SRGAP2: variants seen among roughly 807,000 people sequenced by gnomAD.
The protein encoded by SRGAP2 is SLIT-ROBO Rho GTPase activating protein 2.
SRGAP2 carries 15 observed loss-of-function variants against 57.2 expected under a neutral mutation model. The observed-to-expected ratio is 0.26, with a 90% CI of 0.18 to 0.40. SRGAP2 has a LOEUF of 0.40. Among genes scored for constraint, SRGAP2 ranks in the 10% least tolerant of loss-of-function variants. The pLI is 1.00. For synonymous variants in SRGAP2, 249 were observed against 248.0 expected, an observed-to-expected ratio of 1.00 and a Z score of -0.04; for missense variants, 520 against 669.6, an observed-to-expected ratio of 0.78 and a Z score of 2.47.
At chr1:206,291,102 A>G (rs1286618772) in intron 2 of SRGAP2, among the ~76,000 whole-genome samples, 2 of 151,570 alleles carry the variant, frequency 1.3e-5, no homozygotes, top group Non-Finnish European at 2.9e-5. Flanking sequence ...TTGTTAACCA[A>G]TCAACATTGC....
intron 18 of SRGAP2, among the ~76,000 whole-genome samples, chr1:206,448,812 T>C (rs776041916): frequency 2.6e-5 from 4 of 151,332 alleles, no homozygotes; most frequent in Non-Finnish European, 5.9e-5. Flanking sequence ...CATCAGATGG[T>C]TTTTAGCCCT....
intron 2 of SRGAP2, among the ~76,000 whole-genome samples, chr1:206,210,507 A>G (rs1184085953): frequency 7.6e-6 from 1 of 131,594 alleles, no homozygotes. Flanking sequence ...GAGCATTTTG[A>G]TAGAAAAAGT....
rs1274130536 is a variant in SRGAP2, at chr1:206,461,521, G to A, written c.*101G>A. ...CTTGGGGACTTCAGTTGAAAATTAG[G>A]TTCTAAGTTGTTCTTGCAGGAATTA... is the stretch of plus-strand genomic sequence containing the variant. On this transcript the variant is annotated 3_prime_UTR_variant, in exon 23 of 23. Transcript: ENST00000573034. The A allele has an allele frequency of 6.1e-6, 4 of 659,258 alleles. No individual in the cohort carries two copies. Among genetic ancestry groups the A allele is most frequent in the Non-Finnish European group, 1.1e-5 (4 of 360,400 alleles). The allele number at this position is 659,258 out of a possible 1,614,324, so 40.8% of individuals were successfully genotyped here.
chr1:206,384,657 A>G (rs1391891297), intron 5 of SRGAP2, among the ~76,000 whole-genome samples: 1 of 151,750 alleles, frequency 6.6e-6, no homozygotes, highest in African/African-American at 2.4e-5. Flanking sequence ...TGGAGAAGAG[A>G]ACACAATCTG....
intron 2 of SRGAP2, among the ~76,000 whole-genome samples, chr1:206,216,385 G>A (rs189176486): frequency 0.079 from 11,885 of 151,136 alleles, 1,050 homozygotes; most frequent in African/African-American, 0.22. Flanking sequence ...CACATTCTAC[G>A]TTTGTCCAGG....
intron 2 of SRGAP2, among the ~76,000 whole-genome samples, chr1:206,289,582 GT>G (rs1178496469): frequency 2.3e-4 from 33 of 141,054 alleles, no homozygotes; most frequent in East Asian, 4.1e-4. Flanking sequence ...CAGCTGGACT[GT>G]TTTTTTTTTT....
chr1:206,263,830 C>T (rs1436145711), intron 2 of SRGAP2, among the ~76,000 whole-genome samples: 1 of 151,636 alleles, frequency 6.6e-6, no homozygotes, highest in Non-Finnish European at 1.5e-5. Context: ...AGAAAATAAA[C>T]AAGATCATGT....
chr1:206,417,839 A>G (rs1332712103), intron 11 of SRGAP2, among the ~76,000 whole-genome samples: 1 of 151,918 alleles, frequency 6.6e-6, no homozygotes, highest in Non-Finnish European at 1.5e-5. Flanking sequence ...TTGAGGGCCA[A>G]ACTTTGCTTA....
intron 4 of SRGAP2, among the ~76,000 whole-genome samples, chr1:206,378,855 G>A (rs1487799795): frequency 6.6e-6 from 1 of 152,120 alleles, no homozygotes; most frequent in Non-Finnish European, 1.5e-5. Context: ...CCACCAGAAG[G>A]AACCAACTCC....
Position 206,461,050 on chromosome 1 carries a change from C to G in SRGAP2, c.2846C>G (p.Thr949Arg), listed in dbSNP as rs564689449. The G allele has an allele frequency of 2.0e-4, 139 of 703,996 alleles. 1 individual carries two copies. The Middle Eastern group carries it at 4.1e-3, about 21-fold the overall frequency. 43.6% of individuals were successfully genotyped at this position (703,996 alleles called of 1,614,324 possible). The change falls in exon 23 of 23, where the codon ACA (threonine) becomes AGA (arginine). Residue 949 changes from threonine to arginine, a missense_variant. This residue lies in a region of SRGAP2 where 478 missense variants were observed against 373.6 expected (regional missense o/e 1.28). Coordinates refer to ENST00000573034, the MANE Select transcript of SRGAP2 (RefSeq NM_015326.5). ...CCTGTTTTGCAGGATATTGAGGCAA[C>G]AATGAACTCGGCCCTGAATGAGCTA... ...PEVIAQDIEA[T>R]MNSALNELRE...
chr1:206,454,402 C>A lies in SRGAP2; in HGVS notation c.2361-476C>A. 1.7e-6 allele frequency: 1 copy of A among 581,594 alleles called. No individual in the cohort carries two copies. The highest frequency in any genetic ancestry group is 3.1e-6 in the Non-Finnish European group (1 of 327,274). The allele number at this position is 581,594 out of a possible 1,614,324, so 36.0% of individuals were successfully genotyped here. Reference sequence around the variant, plus strand: ...CTGGGACCGGCTTGGATGCTCTGAGCGGGGCTAGAGGCGCTACGACAGTGT... The same window carrying A: ...CTGGGACCGGCTTGGATGCTCTGAGAGGGGCTAGAGGCGCTACGACAGTGT... On this transcript the variant is annotated intron_variant, in intron 20 of 22. Transcript: ENST00000573034. The surrounding 1 kb of genome is among the most constrained non-coding windows in gnomAD (Gnocchi z 4.3).
chr1:206,276,958 T>A (rs1670447487), intron 2 of SRGAP2, among the ~76,000 whole-genome samples: 1 of 151,108 alleles, frequency 6.6e-6, no homozygotes, highest in African/African-American at 2.4e-5. Context: ...AATGGTCATC[T>A]ATCACTCTTT....
chr1:206,327,321 C>G (rs1674001661), intron 3 of SRGAP2, among the ~76,000 whole-genome samples: 1 of 150,598 alleles, frequency 6.6e-6, no homozygotes, highest in African/African-American at 2.4e-5. Context: ...GAGCGAAACT[C>G]CGTCTCAAAA....
chr1:206,371,334 C>A (rs1654529355), intron 4 of SRGAP2, among the ~76,000 whole-genome samples: 1 of 150,240 alleles, frequency 6.7e-6, no homozygotes, highest in Non-Finnish European at 1.5e-5. Flanking sequence ...CAGACTTGCA[C>A]TAAAAGAAAT....
At chr1:206,456,354 CACACTGCCCTGCTGGG>C (rs1171699183) in intron 21 of SRGAP2, among the ~76,000 whole-genome samples, 1 of 152,182 alleles carries the variant, frequency 6.6e-6, no homozygotes, top group African/African-American at 2.4e-5. Flanking sequence ...TTCCCTCCAG[CACACTGCCCTGCTGGG>C]AGGGCAAGCC....
rs552140174 is a variant in SRGAP2, at chr1:206,341,374, T to C, written c.261-1472T>C. 9.8e-5 allele frequency among the ~76,000 whole-genome samples: 15 copies of C among 152,332 alleles called. No homozygotes were observed. The South Asian group carries it at 2.9e-3, about 29-fold the overall frequency. ...AATGACAGTACTCGCTTTGCAGTTA[T>C]AGGCTTGGTTTGAATTCTGGAATTG... On this transcript the variant is annotated intron_variant, in intron 3 of 22. Transcript: ENST00000573034.
chr1:206,228,826 T>TAAAA (rs199965145), intron 2 of SRGAP2, among the ~76,000 whole-genome samples: 2 of 131,214 alleles, frequency 1.5e-5, no homozygotes, highest in African/African-American at 2.9e-5. Context: ...ATCAGCGCTT[T>TAAAA]AAAAAAAAAA....
Position 206,458,666 on chromosome 1 carries a change from C to A in SRGAP2, c.2551C>A (p.Arg851=), listed in dbSNP as rs782371268. 7 of 771,804 alleles carry A rather than the reference C, an allele frequency of 9.1e-6. No individual in the cohort carries two copies. Among genetic ancestry groups the A allele is most frequent in the East Asian group, 4.9e-5 (2 of 40,968 alleles). The allele number at this position is 771,804 out of a possible 1,614,324, so 47.8% of individuals were successfully genotyped here. The change falls in exon 22 of 23, where the codon CGG becomes AGG. Residue 851 remains arginine, a synonymous_variant. Coordinates refer to ENST00000573034, the MANE Select transcript of SRGAP2 (RefSeq NM_015326.5). ...PESGSIRKTF[R]SDSHGLSSSL... is the part of the protein sequence containing the mutation. ...ATCTGGGAGCATCCGGAAAACTTTT[C>A]GGAGTGACAGCCATGGGCTGAGCAG... is the stretch of plus-strand genomic sequence containing the variant.
intron 2 of SRGAP2, among the ~76,000 whole-genome samples, chr1:206,296,471 C>T (rs1355338752): frequency 8.6e-5 from 13 of 151,070 alleles, no homozygotes; most frequent in African/African-American, 2.9e-4. Context: ...GCTCTGTCAC[C>T]CAGGCTGGAG....
Sources: allele counts gnomAD v4.1 joint callset (sites outside exome capture counted in the v4.1 genomes callset), GRCh38; gene constraint gnomAD v4.1.1; regional missense constraint gnomAD v4.1.1; non-coding constraint Gnocchi (gnomAD v3.1); transcripts MANE v1.5; gene names NCBI Gene and HGNC (gene_info 2026-07-23, HGNC 2026-07-21).